ADGRL3: variants seen among roughly 807,000 people sequenced by gnomAD.
ADGRL3 encodes the protein calcium-independent alpha-latrotoxin receptor 3.
A neutral mutation model predicts 153.5 loss-of-function variants in ADGRL3; 62 were observed. The observed-to-expected ratio is 0.40, with a 90% CI of 0.33 to 0.50. The LOEUF (loss-of-function observed/expected upper bound fraction) is 0.50, where lower values mean the gene tolerates loss of function less well. ADGRL3 is among the 20% of genes least tolerant of loss of function. The pLI, the probability that ADGRL3 is intolerant of heterozygous loss-of-function variation, is 0.47. For missense variants in ADGRL3, 1,641 were observed against 1,859.4 expected, an observed-to-expected ratio of 0.88 and a Z score of 2.16; for synonymous variants, 710 against 672.5, an observed-to-expected ratio of 1.06 and a Z score of -0.86.
intron 2 of ADGRL3, among the ~76,000 whole-genome samples, chr4:61,479,891 T>C (rs1467049265): frequency 1.3e-5 from 2 of 152,160 alleles, no homozygotes; most frequent in Non-Finnish European, 2.9e-5. Context: ...AAATTATAAT[T>C]AACAATTAGG....
chr4:61,550,188 T>G (rs13121447), intron 4 of ADGRL3, among the ~76,000 whole-genome samples: 56,565 of 149,556 alleles, frequency 0.38, 11,090 homozygotes, highest in East Asian at 0.75. Context: ...AGATAGTATA[T>G]TCATCTTTAT....
chr4:61,572,038 A>G (rs1434683842), intron 4 of ADGRL3, among the ~76,000 whole-genome samples: 1 of 152,226 alleles, frequency 6.6e-6, no homozygotes, highest in Non-Finnish European at 1.5e-5. Flanking sequence ...TTCACATTAT[A>G]TGATTTTTCC....
intron 4 of ADGRL3, among the ~76,000 whole-genome samples, chr4:61,537,297 T>C (rs1051255221): frequency 6.6e-6 from 1 of 152,230 alleles, no homozygotes; most frequent in African/African-American, 2.4e-5. Flanking sequence ...TACCCTTTTC[T>C]CTATCTGCCT....
chr4:61,895,631 T>G, intron 10 of ADGRL3, 100 bp from the exon 11 acceptor site: 2 of 634,146 alleles, frequency 3.2e-6, no homozygotes, highest in South Asian at 4.3e-5. Context: ...ATTATATCAA[T>G]TTAATTATCT....
At chr4:61,457,022 A>G (rs755201488) in intron 2 of ADGRL3, among the ~76,000 whole-genome samples, 3 of 151,942 alleles carry the variant, frequency 2.0e-5, no homozygotes, top group Non-Finnish European at 2.9e-5. Flanking sequence ...GGACAATAAT[A>G]CATGTTCAGT....
At chr4:61,297,415 G>A (rs1297240490) in intron 1 of ADGRL3, among the ~76,000 whole-genome samples, 2 of 152,040 alleles carry the variant, frequency 1.3e-5, no homozygotes, top group Admixed American at 6.6e-5. Context: ...GAATGGGGAC[G>A]TGTCTATACT....
chr4:61,230,742 A>G (rs1253714871), intron 1 of ADGRL3, among the ~76,000 whole-genome samples: 1 of 152,190 alleles, frequency 6.6e-6, no homozygotes, highest in Non-Finnish European at 1.5e-5. Flanking sequence ...CCTATCATGT[A>G]TGAGTTTTAT....
intron 5 of ADGRL3, among the ~76,000 whole-genome samples, chr4:61,663,657 A>G (rs1380921938): frequency 6.6e-6 from 1 of 152,192 alleles, no homozygotes; most frequent in Non-Finnish European, 1.5e-5. Context: ...ACATGCCACC[A>G]GCTACAGAGG....
rs1385543579 is a variant in ADGRL3 at position 62,071,585 on chromosome 4, A to G, written c.*677A>G. The G allele has an allele frequency of 2.6e-5, 8 of 311,576 alleles. No individual in the cohort carries two copies. In the Admixed American group the frequency reaches 3.7e-4, roughly 14 times the overall value. 19.3% of individuals were successfully genotyped at this position (311,576 alleles called of 1,614,324 possible). ...TGTAATGTACAGATACTAGCATTGCACATATAGTCTGCTTTCTGTTCCTCC... is the reference window on the plus strand; with the variant it reads ...TGTAATGTACAGATACTAGCATTGCGCATATAGTCTGCTTTCTGTTCCTCC... On this transcript the variant is annotated 3_prime_UTR_variant, in exon 27 of 27. Coordinates refer to ENST00000683033, the MANE Select transcript of ADGRL3 (RefSeq NM_001387552.1).
At chr4:61,829,016 G>A (rs1330194835) in intron 9 of ADGRL3, among the ~76,000 whole-genome samples, 1 of 152,084 alleles carries the variant, frequency 6.6e-6, no homozygotes, top group East Asian at 1.9e-4. Context: ...TTTTAAATGA[G>A]CAGATGGGCC....
chr4:61,983,294 T>G (rs977929600), intron 18 of ADGRL3, 89 bp from the exon 19 acceptor site: 3 of 960,934 alleles, frequency 3.1e-6, no homozygotes, highest in African/African-American at 3.3e-5. Flanking sequence ...TGTAATGCAG[T>G]TTTGGTAAAT....
At chr4:61,249,710 A>G (rs1560383789) in intron 1 of ADGRL3, among the ~76,000 whole-genome samples, 1 of 152,186 alleles carries the variant, frequency 6.6e-6, no homozygotes, top group Non-Finnish European at 1.5e-5. Context: ...AACTGAGTGT[A>G]TTGCCCCATA....
chr4:61,683,458 A>C (rs548660667), intron 6 of ADGRL3, among the ~76,000 whole-genome samples: 1 of 152,212 alleles, frequency 6.6e-6, no homozygotes, highest in South Asian at 2.1e-4. Context: ...GAGGGGATAC[A>C]GGGGTGGTTC....
intron 17 of ADGRL3, among the ~76,000 whole-genome samples, chr4:61,967,412 C>T (rs1203584699): frequency 6.6e-6 from 1 of 152,048 alleles, no homozygotes; most frequent in African/African-American, 2.4e-5. Flanking sequence ...GTAAAATTTA[C>T]TTTGACTCAC....
At chr4:61,376,028 A>C (rs539111529) in intron 1 of ADGRL3, among the ~76,000 whole-genome samples, 1 of 152,258 alleles carries the variant, frequency 6.6e-6, no homozygotes, top group Admixed American at 6.5e-5. Context: ...TGATCTTTGT[A>C]ATCCCCTTCT....
intron 1 of ADGRL3, among the ~76,000 whole-genome samples, chr4:61,318,489 GA>G (rs1343824463): frequency 6.6e-6 from 1 of 152,038 alleles, no homozygotes; most frequent in South Asian, 2.1e-4. Flanking sequence ...GTAATGCTTA[GA>G]AAAGTTTGTG....
At chr4:61,882,065 A>G (rs1454104101) in intron 9 of ADGRL3, among the ~76,000 whole-genome samples, 2 of 152,206 alleles carry the variant, frequency 1.3e-5, no homozygotes, top group African/African-American at 4.8e-5. Flanking sequence ...TGAAATTTCC[A>G]TTAGTTAAAA....
intron 5 of ADGRL3, among the ~76,000 whole-genome samples, chr4:61,610,314 G>A (rs961871464): frequency 2.0e-5 from 3 of 152,014 alleles, no homozygotes; most frequent in African/African-American, 7.2e-5. Context: ...TGTGCGTAAT[G>A]CATTGTTTCT....
intron 1 of ADGRL3, among the ~76,000 whole-genome samples, chr4:61,206,152 T>A (rs1450863148): frequency 1.3e-5 from 2 of 152,228 alleles, no homozygotes; most frequent in Admixed American, 1.3e-4. Flanking sequence ...CTTCCTTATG[T>A]CTTATTGACA....
Sources: gnomAD v4.1 joint callset for allele counts (sites outside exome capture counted in the v4.1 genomes callset) on GRCh38, gnomAD v4.1.1 for gene constraint, MANE v1.5 for transcripts, NCBI Gene and HGNC (gene_info 2026-07-23, HGNC 2026-07-21) for gene names.